Variants in ROCK2 observed in about 807,000 individuals in gnomAD.
ROCK2 encodes the protein rho-associated protein kinase 2.
In ROCK2, 61 loss-of-function variants were observed where a neutral mutation model predicts 195.1. That is an observed-to-expected ratio of 0.31 (90% CI 0.25 to 0.39). The LOEUF is 0.39. Ranked by LOEUF, ROCK2 falls within the 10% of genes least tolerant of loss-of-function variation. The probability of loss-of-function intolerance (pLI) is 1.00; values close to 1 mark genes in which losing one functional copy is unlikely to be tolerated. For missense variants in ROCK2, 1,109 were observed against 1,637.4 expected (o/e 0.68, Z 5.57); for synonymous variants, 504 against 545.5 (o/e 0.92, Z 1.06).
chr2:11,333,047 TA>T (rs1488255632), intron 1 of ROCK2, among the ~76,000 whole-genome samples: 12 of 152,114 alleles, frequency 7.9e-5, no homozygotes, highest in Admixed American at 3.9e-4. Flanking sequence ...CAAGGGAATT[TA>T]GGGGGGGTGA....
chr2:11,203,876 A>G (rs1477220333), intron 20 of ROCK2, among the ~76,000 whole-genome samples: 1 of 152,224 alleles, frequency 6.6e-6, no homozygotes. Context: ...GCCCACTTGT[A>G]GCAAACCACA....
At chr2:11,321,348 G>C (rs1415077776) in intron 1 of ROCK2, among the ~76,000 whole-genome samples, 2 of 151,736 alleles carry the variant, frequency 1.3e-5, no homozygotes, top group Admixed American at 1.3e-4. Context: ...GCTAATTTTT[G>C]TATTTTTAGT....
chr2:11,226,385 A>C (rs1487309935), intron 6 of ROCK2, among the ~76,000 whole-genome samples: 1 of 152,222 alleles, frequency 6.6e-6, no homozygotes, highest in Non-Finnish European at 1.5e-5. Flanking sequence ...TAAAACTGAA[A>C]TGTTATTACA....
intron 1 of ROCK2, chr2:11,308,665 T>C (rs946339744): frequency 3.0e-5 from 45 of 1,479,890 alleles, no homozygotes; most frequent in Non-Finnish European, 4.1e-5. Context: ...GAAAAGAAGA[T>C]ACATATGTTC....
At chr2:11,236,849 A>G (rs1572284625) in intron 4 of ROCK2, among the ~76,000 whole-genome samples, 2 of 152,208 alleles carry the variant, frequency 1.3e-5, no homozygotes, top group African/African-American at 4.8e-5. Flanking sequence ...AACCGAAGAC[A>G]GCTTTAAAAA....
chr2:11,286,933 T>G (rs1166515890), intron 2 of ROCK2, among the ~76,000 whole-genome samples: 2 of 152,208 alleles, frequency 1.3e-5, no homozygotes, highest in Non-Finnish European at 2.9e-5. Flanking sequence ...GACACAGTGA[T>G]GACCCAAGCA....
chr2:11,202,133 A>G lies in ROCK2; in HGVS notation c.2550-12T>C, dbSNP rs2148045619. ...CATCCTGACGTTCTCTGTGAGGACAATGAATCAAAGGTTTAAATAACTTAC... is the reference window on the plus strand; with the variant it reads ...CATCCTGACGTTCTCTGTGAGGACAGTGAATCAAAGGTTTAAATAACTTAC... On this transcript the variant is annotated splice_polypyrimidine_tract_variant and intron_variant, in intron 20 of 32. Coordinates refer to ENST00000315872, the MANE Select transcript of ROCK2 (RefSeq NM_004850.5). 1 of 1,606,328 alleles carries G rather than the reference A, an allele frequency of 6.2e-7. No homozygotes were observed. Among genetic ancestry groups the G allele is most frequent in the Middle Eastern group, 1.7e-4 (1 of 6,048 alleles).
intron 3 of ROCK2, among the ~76,000 whole-genome samples, chr2:11,268,860 T>A (rs1157043497): frequency 6.6e-6 from 1 of 152,168 alleles, no homozygotes; most frequent in Non-Finnish European, 1.5e-5. Context: ...AAATATTTTG[T>A]CTCTTTCTTC....
chr2:11,222,308 G>C, intron 7 of ROCK2, 134 bp from the exon 8 acceptor site: 1 of 552,220 alleles, frequency 1.8e-6, no homozygotes, highest in Non-Finnish European at 3.1e-6. Flanking sequence ...CAGCTTAAAT[G>C]TTTCTCAAAA....
At chr2:11,317,612 A>ATATATATATATTTT (rs59701503) in intron 1 of ROCK2, among the ~76,000 whole-genome samples, 2 of 19,310 alleles carry the variant, frequency 1.0e-4, no homozygotes, top group Non-Finnish European at 1.0e-4. Flanking sequence ...ATATATATAT[A>ATATATATATATTTT]TTTTTTTTTT....
At position 11,344,157 on chromosome 2, in the gene ROCK2, A is replaced by C. The variant is rs1351873014; in HGVS notation, c.-21T>G. ...CTCATGCCGCCACCGCTGGACCCGC[A>C]CTCAGGCTCCTCGCGCTCAGGTCCC... On this transcript the variant is annotated 5_prime_UTR_variant, in exon 1 of 33. Coordinates refer to ENST00000315872, the MANE Select transcript of ROCK2 (RefSeq NM_004850.5). The surrounding 1 kb of genome is among the most constrained non-coding windows in gnomAD (Gnocchi z 5.4). 7.1e-7 allele frequency: 1 copy of C among 1,400,028 alleles called. No individual in the cohort carries two copies. Among genetic ancestry groups the C allele is most frequent in the South Asian group, 1.6e-5 (1 of 62,688 alleles). The allele number at this position is 1,400,028 out of a possible 1,614,324, so 86.7% of individuals were successfully genotyped here. A position where few individuals can be genotyped will look rare whatever the true frequency, so the allele number is the denominator to read the frequency against.
chr2:11,308,917 A>G, intron 1 of ROCK2: 43 of 1,612,040 alleles, frequency 2.7e-5, no homozygotes, highest in Non-Finnish European at 3.6e-5. Context: ...ATCTTCATCT[A>G]CATCAAACTT....
At chr2:11,343,915 G>T (rs916105913) in intron 1 of ROCK2, 81 bp downstream of exon 1, 2 of 1,472,388 alleles carry the variant, frequency 1.4e-6, no homozygotes, top group Non-Finnish European at 1.8e-6. Flanking sequence ...CCCCACGGGC[G>T]GACGGGCACG....
At chr2:11,244,855 T>A (rs1372090807) in intron 4 of ROCK2, among the ~76,000 whole-genome samples, 1 of 152,136 alleles carries the variant, frequency 6.6e-6, no homozygotes, top group Non-Finnish European at 1.5e-5. Context: ...ATATTTTATA[T>A]AAACTGTATC....
chr2:11,213,763 T>C (rs1448004239), intron 17 of ROCK2, among the ~76,000 whole-genome samples: 1 of 151,906 alleles, frequency 6.6e-6, no homozygotes, highest in Non-Finnish European at 1.5e-5. Flanking sequence ...ACCCAATACA[T>C]ATACCCTGTC....
At chr2:11,277,970 C>T (rs1484576410) in intron 3 of ROCK2, among the ~76,000 whole-genome samples, 1 of 152,068 alleles carries the variant, frequency 6.6e-6, no homozygotes, top group Admixed American at 6.5e-5. Context: ...TTTTAATTGA[C>T]AAAAACTGCA....
At chr2:11,317,591 T>A (rs1462782815) in intron 1 of ROCK2, among the ~76,000 whole-genome samples, 4 of 13,938 alleles carry the variant, frequency 2.9e-4, no homozygotes, top group African/African-American at 9.2e-4. Context: ...TATATATATA[T>A]ATATATATAT....
intron 5 of ROCK2, among the ~76,000 whole-genome samples, chr2:11,228,707 A>T (rs1045663994): frequency 6.6e-6 from 1 of 152,154 alleles, no homozygotes; most frequent in African/African-American, 2.4e-5. Flanking sequence ...CATCCACAGA[A>T]ATTAAGCTTT....
At chr2:11,222,494 A>G (rs1353076285) in intron 7 of ROCK2, among the ~76,000 whole-genome samples, 2 of 152,208 alleles carry the variant, frequency 1.3e-5, no homozygotes, top group Admixed American at 1.3e-4. Context: ...GAATGACAAT[A>G]ACTTCAGGAT....
Sources: gnomAD v4.1 joint callset for allele counts (sites outside exome capture counted in the v4.1 genomes callset) on GRCh38, gnomAD v4.1.1 for gene constraint, Gnocchi (gnomAD v3.1) non-coding constraint, MANE v1.5 for transcripts, NCBI Gene and HGNC (gene_info 2026-07-23, HGNC 2026-07-21) for gene names.